The following ZNF131 variants were observed in gnomAD, a reference collection of about 807,000 sequenced individuals.
ZNF131 encodes the protein zinc finger protein 131.
ZNF131 carries 7 observed loss-of-function variants against 60.0 expected under a neutral mutation model. That is an observed-to-expected ratio of 0.12 (90% CI 0.07 to 0.22). The LOEUF is 0.22. Ranked by LOEUF, ZNF131 falls within the 10% of genes least tolerant of loss-of-function variation. The pLI is 1.00. For missense variants in ZNF131, 493 were observed against 740.9 expected (o/e 0.67, Z 3.88); for synonymous variants, 257 against 253.2 (o/e 1.01, Z -0.14).
Position 43,161,507 on chromosome 5 carries a change from T to C in ZNF131, c.630T>C (p.Ala210=). 6.2e-7 allele frequency: 1 copy of C among 1,614,246 alleles called. No homozygotes were observed. Among genetic ancestry groups the C allele is most frequent in the Non-Finnish European group, 8.5e-7 (1 of 1,180,048 alleles). Residue 210 remains alanine (A), a synonymous_variant, in exon 5 of 7, where the codon GCT becomes GCC. Transcript: ENST00000682664. ...GCACAGGTTCCTCTGATGATTCTGC[T>C]CTAGCACTGTTGGCAGATATTACCA... is the stretch of plus-strand genomic sequence containing the variant. ...IQSTGSSDDS[A]LALLADITSK...
intron 4 of ZNF131, among the ~76,000 whole-genome samples, chr5:43,148,846 A>G (rs898146766): frequency 2.6e-5 from 4 of 152,230 alleles, no homozygotes; most frequent in Non-Finnish European, 5.9e-5. Context: ...ACAGTGATAA[A>G]CACATCTATC....
chr5:43,133,895 C>A (rs138248559), intron 3 of ZNF131, among the ~76,000 whole-genome samples: 3 of 152,214 alleles, frequency 2.0e-5, no homozygotes, highest in Admixed American at 6.5e-5. Context: ...TTGTCAGAAA[C>A]CTTCCAACAA....
In ZNF131 at chr5:43,134,678, T is replaced by G. The variant is rs1312426738; in HGVS notation, c.227-4487T>G. On this transcript the variant is annotated intron_variant, in intron 3 of 6. Transcript: ENST00000682664. ...ACAAAATCAGCATACAAAAGTCAGT[T>G]GCTTTTCTTTTTTTCTTTTTTTTTT... 3.4e-5 allele frequency among the ~76,000 whole-genome samples: 5 copies of G among 149,198 alleles called. No individual in the cohort carries two copies. The Admixed American group carries it at 3.5e-4, about 10-fold the overall frequency.
At chr5:43,172,819 A>C (rs1162229214) in intron 5 of ZNF131, among the ~76,000 whole-genome samples, 2 of 151,954 alleles carry the variant, frequency 1.3e-5, no homozygotes, top group Non-Finnish European at 2.9e-5. Flanking sequence ...TTTCTGTGAC[A>C]GATCTTTTAT....
intron 4 of ZNF131, among the ~76,000 whole-genome samples, chr5:43,141,342 G>A (rs890252603): frequency 2.0e-5 from 3 of 152,118 alleles, no homozygotes; most frequent in African/African-American, 7.2e-5. Flanking sequence ...AAAGATTAAA[G>A]GAAATATATA....
At chr5:43,148,126 C>G (rs1747856788) in intron 4 of ZNF131, among the ~76,000 whole-genome samples, 2 of 147,380 alleles carry the variant, frequency 1.4e-5, no homozygotes, top group African/African-American at 5.0e-5. Flanking sequence ...AATCCTAGCA[C>G]TTTGGGAGGC....
intron 3 of ZNF131, among the ~76,000 whole-genome samples, chr5:43,125,845 T>C (rs1199149598): frequency 6.6e-6 from 1 of 152,090 alleles, no homozygotes; most frequent in Non-Finnish European, 1.5e-5. Context: ...TGAGCACACA[T>C]TACCTGGAGA....
chr5:43,125,575 G>A (rs929597554), intron 3 of ZNF131, among the ~76,000 whole-genome samples: 1 of 151,938 alleles, frequency 6.6e-6, no homozygotes, highest in African/African-American at 2.4e-5. Context: ...GAGGTCGAGA[G>A]GTCGAGACCA....
chr5:43,134,801 A>C (rs1339031172), intron 3 of ZNF131, among the ~76,000 whole-genome samples: 1 of 144,946 alleles, frequency 6.9e-6, no homozygotes, highest in Admixed American at 7.3e-5. Flanking sequence ...CCTGGGTTCA[A>C]ATGATTCTCC....
chr5:43,163,787 CATAG>C (rs776285649), intron 5 of ZNF131, among the ~76,000 whole-genome samples: 2 of 152,204 alleles, frequency 1.3e-5, no homozygotes, highest in East Asian at 1.9e-4. Context: ...GTAAATACAA[CATAG>C]ATAGCCTACA....
chr5:43,152,471 A>G (rs2111766331), intron 4 of ZNF131, among the ~76,000 whole-genome samples: 1 of 152,328 alleles, frequency 6.6e-6, no homozygotes, highest in East Asian at 1.9e-4. Context: ...GGTAAAGTTA[A>G]GGGAAACCAC....
chr5:43,172,317 A>G (rs1427070699), intron 5 of ZNF131, among the ~76,000 whole-genome samples: 1 of 151,960 alleles, frequency 6.6e-6, no homozygotes, highest in African/African-American at 2.4e-5. Flanking sequence ...GGAGGTTTTT[A>G]CTATCACTTA....
rs1198262693 is a variant in ZNF131, at chr5:43,161,497, A to G, written c.620A>G (p.Asp207Gly). The G allele has an allele frequency of 1.2e-6, 2 of 1,614,260 alleles. No individual in the cohort carries two copies. The highest frequency in any genetic ancestry group is 2.2e-5 in the East Asian group (1 of 44,892). The change falls in exon 5 of 7, where the codon GAT (aspartate) becomes GGT (glycine). Residue 207 changes from aspartate to glycine, a missense_variant. Transcript: ENST00000682664. Reference protein sequence around the residue: ...VKYIQSTGSSDDSALALLADI... With the variant: ...VKYIQSTGSSGDSALALLADI... The stretch of plus-strand genomic sequence containing the variant: ...TACATACAGAGCACAGGTTCCTCTG[A>G]TGATTCTGCTCTAGCACTGTTGGCA...
At chr5:43,149,726 A>G (rs988490461) in intron 4 of ZNF131, among the ~76,000 whole-genome samples, 4 of 151,888 alleles carry the variant, frequency 2.6e-5, no homozygotes, top group African/African-American at 9.7e-5. Flanking sequence ...TTTTTATTTT[A>G]GCTGGGCTGG....
intron 5 of ZNF131, among the ~76,000 whole-genome samples, chr5:43,166,079 G>A (rs10070393): frequency 0.017 from 2,623 of 152,262 alleles, 79 homozygotes; most frequent in African/African-American, 0.06. Context: ...AAAGGGCCTT[G>A]TTCTTGGTTA....
chr5:43,130,857 C>T (rs1310627075), intron 3 of ZNF131, among the ~76,000 whole-genome samples: 2 of 151,056 alleles, frequency 1.3e-5, no homozygotes, highest in African/African-American at 4.9e-5. Flanking sequence ...TGAGCCACCA[C>T]GCCCGGCTCT....
At chr5:43,159,934 G>A (rs1362330239) in intron 4 of ZNF131, among the ~76,000 whole-genome samples, 1 of 151,944 alleles carries the variant, frequency 6.6e-6, no homozygotes, top group Admixed American at 6.6e-5. Context: ...CAGCACTTTG[G>A]GGGAGGCCAA....
At chr5:43,124,809 A>G (rs1481634068) in intron 3 of ZNF131, 1 of 152,210 alleles carries the variant, frequency 6.6e-6, no homozygotes, top group Non-Finnish European at 1.5e-5. Context: ...TGCCTTGTCA[A>G]AGCTTGATAA....
rs113454923 is a variant in ZNF131 at position 43,160,188 on chromosome 5, C to CAAA, written c.372-1052_372-1050dup. Among the ~76,000 whole-genome samples, 1,419 of 125,006 alleles carry CAAA rather than the reference C, an allele frequency of 0.011. 88 individuals carry two copies. The East Asian group carries it at 0.19, about 17-fold the overall frequency. The allele number at this position is 125,006 out of a possible 152,430, so 82.0% of individuals were successfully genotyped here. Reference sequence around the variant, plus strand: ...GAGACTCCATCTCAAAAAAACAAAACAAAAAAAAAAACAAAAAAAGAAGAA... The same window carrying CAAA: ...GAGACTCCATCTCAAAAAAACAAAACAAAAAAAAAAAAAACAAAAAAAGAAGAA... On this transcript the variant is annotated intron_variant, in intron 4 of 6. Coordinates refer to ENST00000682664, the MANE Select transcript of ZNF131 (RefSeq NM_001330707.2).
Sources: gnomAD v4.1 joint callset for allele counts (sites outside exome capture counted in the v4.1 genomes callset) on GRCh38, gnomAD v4.1.1 for gene constraint, MANE v1.5 for transcripts, NCBI Gene and HGNC (gene_info 2026-07-23, HGNC 2026-07-21) for gene names.